The following KCNH1 variants were observed in gnomAD, a reference collection of about 807,000 sequenced individuals.
KCNH1 encodes the protein potassium voltage-gated channel subfamily H member 1, also known as voltage-gated delayed rectifier potassium channel KCNH1.
A neutral mutation model predicts 69.2 loss-of-function variants in KCNH1; 27 were observed. The ratio of observed to expected loss-of-function variants is 0.39; its 90% CI spans 0.29 to 0.54. The LOEUF is 0.54. Among genes scored for constraint, KCNH1 ranks in the 20% least tolerant of loss-of-function variants. The pLI, the probability that KCNH1 is intolerant of heterozygous loss-of-function variation, is 0.68. For missense variants in KCNH1, 798 were observed against 1,261.6 expected, an observed-to-expected ratio of 0.63 and a Z score of 5.57; for synonymous variants, 456 against 487.7, an observed-to-expected ratio of 0.93 and a Z score of 0.86.
intron 6 of KCNH1, among the ~76,000 whole-genome samples, chr1:210,995,442 G>A (rs1689011774): frequency 6.6e-6 from 1 of 152,090 alleles, no homozygotes. Flanking sequence ...CTATCTCCAG[G>A]CCTGGAAAGC....
At chr1:210,832,506 C>T (rs1330738049) in intron 7 of KCNH1, among the ~76,000 whole-genome samples, 2 of 152,140 alleles carry the variant, frequency 1.3e-5, no homozygotes, top group Non-Finnish European at 2.9e-5. Context: ...GTTATTCCTA[C>T]ATTAACGCTG....
intron 6 of KCNH1, among the ~76,000 whole-genome samples, chr1:210,921,976 T>C (rs992792482): frequency 3.9e-5 from 6 of 152,096 alleles, no homozygotes; most frequent in African/African-American, 1.4e-4. Context: ...TGTGAACACG[T>C]ATAAACCATA....
At chr1:211,062,497 C>G (rs1242565918) in intron 5 of KCNH1, among the ~76,000 whole-genome samples, 1 of 151,842 alleles carries the variant, frequency 6.6e-6, no homozygotes, top group African/African-American at 2.4e-5. Context: ...TTCTGCATGG[C>G]AAAGGAAACA....
intron 10 of KCNH1, among the ~76,000 whole-genome samples, chr1:210,692,039 AG>A (rs1442638828): frequency 6.6e-6 from 1 of 152,202 alleles, no homozygotes; most frequent in Non-Finnish European, 1.5e-5. Flanking sequence ...TTCTGTTCTC[AG>A]GGGACCTGGT....
Position 210,683,371 on chromosome 1 carries a change from G to T in KCNH1, c.2880C>A (p.Ser960=), listed in dbSNP as rs756878530. 1 of 1,614,106 alleles carries T rather than the reference G, an allele frequency of 6.2e-7. No homozygotes were observed. Among genetic ancestry groups the T allele is most frequent in the Non-Finnish European group, 8.5e-7 (1 of 1,179,990 alleles). The change falls in exon 11 of 11, where the codon TCC becomes TCA. Residue 960 remains serine (S), a synonymous_variant. Coordinates refer to ENST00000271751, the MANE Select transcript of KCNH1 (RefSeq NM_172362.3). The surrounding 1 kb of genome is among the most constrained non-coding windows in gnomAD (Gnocchi z 5.7). The part of the protein sequence containing the change: ...QLSEILRILT[S]RRSSQSPQEL... ...CCTGAGGAGACTGAGAGGATCTTCT[G>T]GAAGTTAATATCCTGAGTATCTCAG...
chr1:210,808,926 A>G (rs1316601923), intron 7 of KCNH1, among the ~76,000 whole-genome samples: 3 of 152,060 alleles, frequency 2.0e-5, no homozygotes, highest in Non-Finnish European at 2.9e-5. Flanking sequence ...CGAACCTCCC[A>G]GTGCAGAAGG....
At chr1:210,689,646 C>G (rs1201600035) in intron 10 of KCNH1, among the ~76,000 whole-genome samples, 1 of 152,186 alleles carries the variant, frequency 6.6e-6, no homozygotes, top group Non-Finnish European at 1.5e-5. Flanking sequence ...ACACACGTCC[C>G]CAGTCTGAAA....
chr1:211,037,558 C>T (rs1689920745), intron 5 of KCNH1, among the ~76,000 whole-genome samples: 2 of 150,068 alleles, frequency 1.3e-5, no homozygotes, highest in Admixed American at 1.3e-4. Flanking sequence ...TCTACAGAAC[C>T]CCTGAATGAT....
intron 7 of KCNH1, among the ~76,000 whole-genome samples, chr1:210,898,416 C>T (rs910426073): frequency 2.6e-5 from 4 of 152,202 alleles, no homozygotes; most frequent in African/African-American, 9.6e-5. Context: ...TGGTGGCTTA[C>T]AGTCTTGAGA....
At chr1:211,098,189 T>C (rs999753196) in intron 3 of KCNH1, among the ~76,000 whole-genome samples, 1 of 151,224 alleles carries the variant, frequency 6.6e-6, no homozygotes, top group African/African-American at 2.4e-5. Flanking sequence ...AGCATGACGG[T>C]GTGTGCCTAT....
chr1:211,125,480 A>G (rs1160357148), intron 1 of KCNH1, among the ~76,000 whole-genome samples: 7 of 152,244 alleles, frequency 4.6e-5, no homozygotes, highest in Non-Finnish European at 1.0e-4. Context: ...GGAAATAAAT[A>G]TAGTCTTATC....
At chr1:210,741,382 G>A (rs1043680438) in intron 10 of KCNH1, among the ~76,000 whole-genome samples, 5 of 152,132 alleles carry the variant, frequency 3.3e-5, no homozygotes, top group African/African-American at 1.2e-4. Flanking sequence ...AGTGCAGGAG[G>A]ACCCAGGCCA....
intron 7 of KCNH1, among the ~76,000 whole-genome samples, chr1:210,807,246 T>C (rs1316160963): frequency 6.6e-6 from 1 of 152,052 alleles, no homozygotes; most frequent in East Asian, 1.9e-4. Flanking sequence ...TGCTTCCCCT[T>C]TATGGTCACG....
chr1:210,874,791 A>C (rs1019941979), intron 7 of KCNH1, among the ~76,000 whole-genome samples: 1 of 152,232 alleles, frequency 6.6e-6, no homozygotes, highest in African/African-American at 2.4e-5. Context: ...AAAAGGAAAT[A>C]TATTAATAGC....
Position 210,919,821 on chromosome 1 carries a change from G to T in KCNH1, c.1281C>A (p.Gly427=). Residue 427 remains glycine (G), a synonymous_variant, in exon 7 of 11, where the codon GGC becomes GGA. Transcript: ENST00000271751. This position sits in a 1 kb window ranked among gnomAD's most constrained non-coding sequence, Gnocchi z 4.2. ...SWLYQLAMDI[G]TPYQFNGSGS... ...CAGACCCATTAAACTGGTAAGGGGT[G>T]CCAATGTCCATCGCTAGTTGGTACA... 1 of 1,614,160 alleles carries T rather than the reference G, an allele frequency of 6.2e-7. No homozygotes were observed. The highest frequency in any genetic ancestry group is 8.5e-7 in the Non-Finnish European group (1 of 1,180,028).
chr1:210,939,570 A>G (rs1454582745), intron 6 of KCNH1, among the ~76,000 whole-genome samples: 1 of 152,208 alleles, frequency 6.6e-6, no homozygotes, highest in Non-Finnish European at 1.5e-5. Flanking sequence ...CAGGAAGCAC[A>G]TCTTTGGTGA....
intron 1 of KCNH1, among the ~76,000 whole-genome samples, chr1:211,115,282 C>T (rs1229308521): frequency 6.6e-6 from 1 of 152,150 alleles, no homozygotes; most frequent in Non-Finnish European, 1.5e-5. Context: ...AGTCACCGCA[C>T]CTAGCAAGAA....
intron 7 of KCNH1, among the ~76,000 whole-genome samples, chr1:210,884,988 G>A (rs1294893830): frequency 6.6e-6 from 1 of 152,202 alleles, no homozygotes. Flanking sequence ...AACTTCTGAA[G>A]GGTGATTTCT....
At chr1:210,754,865 C>T (rs1333711330) in intron 10 of KCNH1, among the ~76,000 whole-genome samples, 1 of 149,706 alleles carries the variant, frequency 6.7e-6, no homozygotes, top group African/African-American at 2.4e-5. Flanking sequence ...CACACACACA[C>T]ACACACACAC....
Sources: allele counts gnomAD v4.1 joint callset (sites outside exome capture counted in the v4.1 genomes callset), GRCh38; gene constraint gnomAD v4.1.1; non-coding constraint Gnocchi (gnomAD v3.1); transcripts MANE v1.5; gene names NCBI Gene and HGNC (gene_info 2026-07-23, HGNC 2026-07-21).